SBF2: variants seen among roughly 807,000 people sequenced by gnomAD.
The protein encoded by SBF2 is myotubularin-related protein 13.
Under a neutral mutation model 225.2 loss-of-function variants are expected in SBF2, and 112 were observed. That is an observed-to-expected ratio of 0.50 (90% CI 0.43 to 0.58). The LOEUF is 0.58. Among genes scored for constraint, SBF2 ranks in the 20% least tolerant of loss-of-function variants. The probability of loss-of-function intolerance (pLI) is 0.00; values close to 1 mark genes in which losing one functional copy is unlikely to be tolerated. For synonymous variants in SBF2, 763 were observed against 773.3 expected, an observed-to-expected ratio of 0.99 and a Z score of 0.22; for missense variants, 1,996 against 2,206.2, an observed-to-expected ratio of 0.90 and a Z score of 1.91.
intron 25 of SBF2, among the ~76,000 whole-genome samples, chr11:9,841,872 C>T (rs934769184): frequency 1.8e-4 from 28 of 152,100 alleles, no homozygotes; most frequent in African/African-American, 6.0e-4. Context: ...AAATGGAGAC[C>T]GGTTAGCCAG....
chr11:10,279,172 G>A (rs1181349930), intron 1 of SBF2, among the ~76,000 whole-genome samples: 1 of 149,202 alleles, frequency 6.7e-6, no homozygotes, highest in East Asian at 2.1e-4. Context: ...AGCACTTTGG[G>A]AGGCTGAAGT....
rs562538913 is a variant in SBF2 at position 10,034,862 on chromosome 11, T to C, written c.280-3692A>G. Among the ~76,000 whole-genome samples the C allele has an allele frequency of 3.3e-5, 5 of 152,358 alleles. No individual in the cohort carries two copies. In the East Asian group the frequency reaches 9.6e-4, roughly 29 times the overall value. ...ATTCTGTAAGTTCTAAAATTCCTCC[T>C]GAACCCTTCATTTCTTGCCAAATAA... On this transcript the variant is annotated intron_variant, in intron 3 of 39. Coordinates refer to ENST00000256190, the MANE Select transcript of SBF2 (RefSeq NM_030962.4).
chr11:10,182,345 C>CT lies in SBF2; in HGVS notation c.141+11556dup, dbSNP rs556601954. 2.0e-4 allele frequency among the ~76,000 whole-genome samples: 30 copies of CT among 152,116 alleles called. No individual in the cohort carries two copies. The South Asian group carries it at 5.2e-3, about 26-fold the overall frequency. ...GGTGTTCTCTCAAATTGCTGTTGTCCTTTATAAGCAAATTATGTATTTAAA... is the reference window on the plus strand; with the variant it reads ...GGTGTTCTCTCAAATTGCTGTTGTCCTTTTATAAGCAAATTATGTATTTAAA... On this transcript the variant is annotated intron_variant, in intron 2 of 39. Transcript: ENST00000256190.
intron 15 of SBF2, among the ~76,000 whole-genome samples, chr11:9,962,725 T>C (rs570898816): frequency 2.0e-5 from 3 of 152,308 alleles, no homozygotes; most frequent in Admixed American, 2.0e-4. Context: ...CAGTTCACCA[T>C]GTAGGACTTA....
chr11:10,038,092 TG>T (rs1444273705), intron 3 of SBF2, among the ~76,000 whole-genome samples: 1 of 151,992 alleles, frequency 6.6e-6, no homozygotes, highest in Non-Finnish European at 1.5e-5. Flanking sequence ...TCTGGAGTAT[TG>T]GTTTTGTTCC....
intron 2 of SBF2, among the ~76,000 whole-genome samples, chr11:10,133,494 G>C (rs7122370): frequency 7.3e-6 from 1 of 136,254 alleles, no homozygotes; most frequent in Non-Finnish European, 1.7e-5. Flanking sequence ...ACGCAGTGCC[G>C]GTGGGCCAGC....
chr11:10,065,248 T>G (rs963950614), intron 2 of SBF2, among the ~76,000 whole-genome samples: 3 of 152,042 alleles, frequency 2.0e-5, no homozygotes, highest in Non-Finnish European at 4.4e-5. Flanking sequence ...TATAAAAATT[T>G]GTAGGATGCT....
chr11:10,091,672 T>A (rs1274899719), intron 2 of SBF2, among the ~76,000 whole-genome samples: 1 of 152,172 alleles, frequency 6.6e-6, no homozygotes, highest in Non-Finnish European at 1.5e-5. Context: ...ATCTCATCAT[T>A]TATTCCACTC....
At chr11:9,807,628 G>T (rs1463968803) in intron 32 of SBF2, among the ~76,000 whole-genome samples, 1 of 152,128 alleles carries the variant, frequency 6.6e-6, no homozygotes, top group Non-Finnish European at 1.5e-5. Flanking sequence ...ATGTTCCCAG[G>T]CACAAGCTGG....
At chr11:9,835,732 T>C (rs1855697384) in intron 26 of SBF2, among the ~76,000 whole-genome samples, 1 of 152,014 alleles carries the variant, frequency 6.6e-6, no homozygotes, top group African/African-American at 2.4e-5. Context: ...AGTTTATTCT[T>C]TCATGTTTGG....
intron 17 of SBF2, among the ~76,000 whole-genome samples, chr11:9,878,849 A>C (rs1245762884): frequency 6.6e-6 from 1 of 152,228 alleles, no homozygotes; most frequent in Non-Finnish European, 1.5e-5. Context: ...TGCTATCAGT[A>C]CTGAAACATG....
At position 9,808,911 on chromosome 11, in the gene SBF2, A is replaced by G. The variant is rs370601742; in HGVS notation, c.4247T>C (p.Ile1416Thr). 3.2e-5 allele frequency: 52 copies of G among 1,610,466 alleles called. No homozygotes were observed. The highest frequency in any genetic ancestry group is 4.2e-5 in the Non-Finnish European group (50 of 1,176,780). ...VLVCLEEGWD[I>T]TAQVTSLVQL... is the part of the protein sequence containing the mutation. The stretch of plus-strand genomic sequence containing the variant: ...TGTCTAATAGTTTACTTGTGCAGTG[A>G]TGTCCCAGCCTTCCTCCAAACAGAC... The change falls in exon 31 of 40, where the codon ATC (isoleucine) becomes ACC (threonine). Residue 1416 changes from isoleucine to threonine, a missense_variant. Transcript: ENST00000256190.
intron 2 of SBF2, among the ~76,000 whole-genome samples, chr11:10,087,326 T>C (rs115842116): frequency 0.015 from 2,234 of 152,302 alleles, 62 homozygotes; most frequent in African/African-American, 0.051. Context: ...CAGTAGAACA[T>C]TGTGTTCTAT....
chr11:10,014,505 T>TAAAAAAAAAAA (rs1181315538), intron 6 of SBF2, among the ~76,000 whole-genome samples: 4 of 70,804 alleles, frequency 5.6e-5, no homozygotes, highest in Non-Finnish European at 7.5e-5. Context: ...CCATTTCAAC[T>TAAAAAAAAAAA]AAAAAAAAAA....
chr11:9,818,655 A>G (rs1258134873), intron 28 of SBF2, among the ~76,000 whole-genome samples: 2 of 152,282 alleles, frequency 1.3e-5, no homozygotes, highest in Admixed American at 1.3e-4. Flanking sequence ...CTTTCTCTTT[A>G]TAAGCATTTA....
At chr11:10,190,910 C>T (rs1393859536) in intron 2 of SBF2, among the ~76,000 whole-genome samples, 1 of 152,194 alleles carries the variant, frequency 6.6e-6, no homozygotes, top group Non-Finnish European at 1.5e-5. Context: ...CTAGAAATCT[C>T]TCAGATCTTG....
chr11:10,268,080 A>C (rs1962161826), intron 1 of SBF2, among the ~76,000 whole-genome samples: 1 of 152,194 alleles, frequency 6.6e-6, no homozygotes, highest in Non-Finnish European at 1.5e-5. Flanking sequence ...CATTTATAAA[A>C]TTCACTCCAG....
intron 21 of SBF2, among the ~76,000 whole-genome samples, chr11:9,851,089 T>C (rs190410186): frequency 1.3e-3 from 193 of 146,864 alleles, no homozygotes; most frequent in African/African-American, 4.2e-3. Context: ...TGAGCCGAGA[T>C]TGTGCCACTG....
At chr11:10,004,390 T>C (rs1243919321) in intron 6 of SBF2, among the ~76,000 whole-genome samples, 3 of 151,880 alleles carry the variant, frequency 2.0e-5, no homozygotes, top group African/African-American at 7.3e-5. Context: ...GTATGTATTA[T>C]CATGACTAAC....
Sources: allele counts gnomAD v4.1 joint callset (sites outside exome capture counted in the v4.1 genomes callset), GRCh38; gene constraint gnomAD v4.1.1; transcripts MANE v1.5; gene names NCBI Gene and HGNC (gene_info 2026-07-23, HGNC 2026-07-21).